The following MAGT1 variants were observed in gnomAD, a reference collection of about 807,000 sequenced individuals.
MAGT1 encodes the protein magnesium transporter 1.
Under a neutral mutation model 28.4 loss-of-function variants are expected in MAGT1, and 4 were observed. That is an observed-to-expected ratio of 0.14 (90% confidence interval 0.07 to 0.32). The LOEUF (loss-of-function observed/expected upper bound fraction) is 0.32. Ranked by LOEUF, MAGT1 falls within the 10% of genes least tolerant of loss-of-function variation. MAGT1 has a pLI of 1.00. For synonymous variants in MAGT1, 89 were observed against 89.7 expected (o/e 0.99, Z 0.04); for missense variants, 193 against 264.5 (o/e 0.73, Z 1.88).
At position 77,833,896 on chromosome X, in the gene MAGT1, G is replaced by A. The variant is rs370856141; in HGVS notation, c.902-3001C>T. 2.9e-4 allele frequency among the ~76,000 whole-genome samples: 32 copies of A among 111,008 alleles called. 1 individual carries two copies. The East Asian group carries it at 3.7e-3, about 13-fold the overall frequency. ...CTTCAAATTATACTATAGAGTTATA[G>A]TAACCAAAACAGCATAGTACTGGTG... On this transcript the variant is annotated intron_variant, in intron 8 of 9. Coordinates refer to ENST00000618282, the MANE Select transcript of MAGT1 (RefSeq NM_001367916.1).
At chrX:77,839,168 G>T (rs2075438185) in intron 8 of MAGT1, among the ~76,000 whole-genome samples, 1 of 105,979 alleles carries the variant, frequency 9.4e-6, no homozygotes, top group Admixed American at 1.0e-4. Context: ...GCCAGGCATG[G>T]TGGCGGGTGC....
intron 3 of MAGT1, among the ~76,000 whole-genome samples, chrX:77,863,026 G>T (rs1557216574): frequency 1.8e-5 from 2 of 109,502 alleles, no homozygotes; most frequent in African/African-American, 6.7e-5. Flanking sequence ...AATTAGCTGG[G>T]TGTGGTGATG....
At chrX:77,832,929 T>C (rs1285532259) in intron 8 of MAGT1, among the ~76,000 whole-genome samples, 2 of 110,771 alleles carry the variant, frequency 1.8e-5, no homozygotes, top group African/African-American at 3.3e-5. Context: ...TTACACAATA[T>C]GACTAGGGCT....
chrX:77,856,521 A>G (rs781796874), intron 5 of MAGT1: 11 of 376,400 alleles, frequency 2.9e-5, no homozygotes, highest in Non-Finnish European at 5.1e-5. Flanking sequence ...GTTGAATAAA[A>G]GGCAGGTACA....
chrX:77,892,149 C>G (rs1237177902), intron 1 of MAGT1, among the ~76,000 whole-genome samples: 1 of 111,077 alleles, frequency 9.0e-6, no homozygotes, highest in Non-Finnish European at 1.9e-5. Context: ...CCCGCCTCGG[C>G]CTCCCAAAGT....
At chrX:77,842,167 C>A (rs1444035370) in intron 7 of MAGT1, among the ~76,000 whole-genome samples, 2 of 110,228 alleles carry the variant, frequency 1.8e-5, no homozygotes, top group African/African-American at 6.6e-5. Flanking sequence ...CCGAGGCGGG[C>A]CGATTGCTTA....
At chrX:77,855,691 G>T (rs2076979736) in intron 5 of MAGT1, 101 bp from the exon 6 acceptor site, 9 of 584,460 alleles carry the variant, frequency 1.5e-5, no homozygotes, top group Non-Finnish European at 2.4e-5. Flanking sequence ...TTAAGACATA[G>T]AATTTTTTGC....
At chrX:77,865,445 A>G (rs1603362648) in intron 3 of MAGT1, among the ~76,000 whole-genome samples, 1 of 107,841 alleles carries the variant, frequency 9.3e-6, no homozygotes, top group African/African-American at 3.4e-5. Context: ...GCACACCACC[A>G]TGCCCGTCTA....
chrX:77,847,721 C>A lies in MAGT1; in HGVS notation c.826+6180G>T, dbSNP rs1345544823. Among the ~76,000 whole-genome samples, 4 of 108,705 alleles carry A rather than the reference C, an allele frequency of 3.7e-5. No individual in the cohort carries two copies. In the East Asian group the frequency reaches 1.1e-3, roughly 31 times the overall value. 94.4% of individuals were successfully genotyped at this position (108,705 alleles called of 115,157 possible). On this transcript the variant is annotated intron_variant, in intron 7 of 9. Transcript: ENST00000618282. ...TGCCTCCCGGGTTCAAGAAATTCTCCTGCCTCCGTCTCCTGAGTAAGCTGG... is the reference window on the plus strand; with the variant it reads ...TGCCTCCCGGGTTCAAGAAATTCTCATGCCTCCGTCTCCTGAGTAAGCTGG...
intron 1 of MAGT1, among the ~76,000 whole-genome samples, chrX:77,883,055 TTAATA>T (rs782278180): frequency 2.4e-3 from 244 of 101,111 alleles, no homozygotes; most frequent in Middle Eastern, 4.9e-3. Context: ...TTATATTATA[TTAATA>T]TAATAATATA....
chrX:77,847,341 C>T (rs1356599492), intron 7 of MAGT1, among the ~76,000 whole-genome samples: 1 of 112,505 alleles, frequency 8.9e-6, no homozygotes, highest in East Asian at 2.8e-4. Flanking sequence ...CACCCCTTTC[C>T]TTGGCTAGGA....
intron 1 of MAGT1, among the ~76,000 whole-genome samples, chrX:77,890,011 G>GT (rs1452978596): frequency 2.7e-5 from 3 of 111,816 alleles, no homozygotes; most frequent in Non-Finnish European, 5.6e-5. Context: ...GCTCCCACAC[G>GT]TAAGTGAGGA....
rs182761937 is a variant in MAGT1, at chrX:77,867,718, A to G, written c.390+3090T>C. On this transcript the variant is annotated intron_variant, in intron 3 of 9. Transcript: ENST00000618282. Reference sequence around the variant, plus strand: ...CTGGACTCTGACTCAGGAGTGTCATATTTTCTGCCAGCATCCATGAAACTG... The same window carrying G: ...CTGGACTCTGACTCAGGAGTGTCATGTTTTCTGCCAGCATCCATGAAACTG... 1.0e-3 allele frequency among the ~76,000 whole-genome samples: 67 copies of G among 66,803 alleles called. 4 individuals carry two copies. The highest frequency in any genetic ancestry group is 2.3e-3 in the African/African-American group (66 of 28,835). The allele number at this position is 66,803 out of a possible 115,157, so 58.0% of individuals were successfully genotyped here. A position where few individuals can be genotyped will look rare whatever the true frequency, so the allele number is the denominator to read the frequency against.
At chrX:77,874,413 T>C in intron 2 of MAGT1, among the ~76,000 whole-genome samples, 1 of 106,654 alleles carries the variant, frequency 9.4e-6, no homozygotes, top group South Asian at 4.3e-4. Context: ...CTGGCCAACA[T>C]GGTGAAACTC....
At chrX:77,848,761 T>A (rs2076958957) in intron 7 of MAGT1, among the ~76,000 whole-genome samples, 1 of 111,414 alleles carries the variant, frequency 9.0e-6, no homozygotes, top group South Asian at 3.7e-4. Context: ...CTACTTTATT[T>A]TAAAAATTCA....
At chrX:77,834,179 T>C (rs1402432053) in intron 8 of MAGT1, among the ~76,000 whole-genome samples, 2 of 101,545 alleles carry the variant, frequency 2.0e-5, no homozygotes, top group African/African-American at 3.5e-5. Context: ...TATATATATA[T>C]GCATATATGT....
chrX:77,837,932 G>T lies in MAGT1; in HGVS notation c.901+3314C>A, dbSNP rs1016116840. Among the ~76,000 whole-genome samples, 6 of 110,816 alleles carry T rather than the reference G, an allele frequency of 5.4e-5. No homozygotes were observed. The Admixed American group carries it at 5.9e-4, about 11-fold the overall frequency. ...TAATTTTTGCTTTTTTAGAGACGGG[G>T]TTTCGCCATGTTGGCCAGGCTAGTC... On this transcript the variant is annotated intron_variant, in intron 8 of 9. Coordinates refer to ENST00000618282, the MANE Select transcript of MAGT1 (RefSeq NM_001367916.1).
In MAGT1 at chrX:77,828,689, T is replaced by C. The variant is rs1041035441; in HGVS notation, c.*531A>G. 1 of 114,066 alleles carries C rather than the reference T, an allele frequency of 8.8e-6. No individual in the cohort carries two copies. The highest frequency in any genetic ancestry group is 9.3e-5 in the Admixed American group (1 of 10,707). The allele number at this position is 114,066 out of a possible 1,213,427, so 9.4% of individuals were successfully genotyped here. On this transcript the variant is annotated 3_prime_UTR_variant, in exon 10 of 10. Transcript: ENST00000618282. ...TGTGCTCTGAAGAATGGTGTTCCAT[T>C]TTCAGAAGACCACATGACACACATA... is the stretch of plus-strand genomic sequence containing the variant.
intron 3 of MAGT1, among the ~76,000 whole-genome samples, chrX:77,865,643 C>T (rs1284251765): frequency 2.7e-5 from 3 of 111,413 alleles, no homozygotes; most frequent in African/African-American, 9.8e-5. Context: ...GCTAACTCTA[C>T]TGTAAGACAA....
Sources: gnomAD v4.1 joint callset for allele counts (sites outside exome capture counted in the v4.1 genomes callset) on GRCh38, gnomAD v4.1.1 for gene constraint, MANE v1.5 for transcripts, NCBI Gene and HGNC (gene_info 2026-07-23, HGNC 2026-07-21) for gene names.